The following PTPRM variants were observed in gnomAD, a reference collection of about 807,000 sequenced individuals.
PTPRM encodes protein tyrosine phosphatase receptor type M, also known as receptor-type tyrosine-protein phosphatase mu.
PTPRM carries 47 observed loss-of-function variants against 186.7 expected under a neutral mutation model. The ratio of observed to expected loss-of-function variants is 0.25; its 90% CI spans 0.20 to 0.32. The LOEUF is 0.32. PTPRM is among the 10% of genes least tolerant of loss of function. The probability of loss-of-function intolerance (pLI) is 1.00; values close to 1 mark genes in which losing one functional copy is unlikely to be tolerated. For synonymous variants in PTPRM, 668 were observed against 674.9 expected, an observed-to-expected ratio of 0.99 and a Z score of 0.16; for missense variants, 1,494 against 1,865.0, an observed-to-expected ratio of 0.80 and a Z score of 3.66.
chr18:7,833,582 A>G (rs1301392811), intron 2 of PTPRM, among the ~76,000 whole-genome samples: 8 of 152,062 alleles, frequency 5.3e-5, no homozygotes, highest in Non-Finnish European at 1.2e-4. Flanking sequence ...AAAAATACAA[A>G]AATTAGCCGG....
intron 1 of PTPRM, among the ~76,000 whole-genome samples, chr18:7,667,761 C>T (rs1015106631): frequency 1.8e-4 from 27 of 151,446 alleles, no homozygotes; most frequent in South Asian, 4.1e-4. Context: ...TTTTTTTTTC[C>T]GCCATGGTTT....
intron 13 of PTPRM, among the ~76,000 whole-genome samples, chr18:8,132,803 T>C (rs889412616): frequency 3.3e-5 from 5 of 152,176 alleles, no homozygotes; most frequent in Non-Finnish European, 4.4e-5. Flanking sequence ...GCTGAAGATA[T>C]AACGTTTTGC....
intron 2 of PTPRM, among the ~76,000 whole-genome samples, chr18:7,789,355 A>T (rs910453828): frequency 1.3e-5 from 2 of 152,070 alleles, no homozygotes; most frequent in Admixed American, 6.6e-5. Context: ...TATTATTAAT[A>T]TTGTCTTGGA....
At chr18:8,008,691 G>T (rs886893831) in intron 7 of PTPRM, among the ~76,000 whole-genome samples, 1 of 152,074 alleles carries the variant, frequency 6.6e-6, no homozygotes, top group Non-Finnish European at 1.5e-5. Context: ...CTTTTTGGAG[G>T]CTTGCTTAAA....
intron 7 of PTPRM, among the ~76,000 whole-genome samples, chr18:8,038,959 A>G (rs1048764939): frequency 4.6e-5 from 7 of 151,974 alleles, no homozygotes; most frequent in African/African-American, 1.7e-4. Context: ...AATATTAGTA[A>G]ATAACTGGAA....
intron 2 of PTPRM, among the ~76,000 whole-genome samples, chr18:7,865,446 G>T (rs74527041): frequency 0.052 from 7,897 of 152,248 alleles, 194 homozygotes; most frequent in Middle Eastern, 0.12. Context: ...AAATAATCAT[G>T]TGCTTTTTGT....
chr18:7,891,751 C>T (rs1356672168), intron 3 of PTPRM, among the ~76,000 whole-genome samples: 4 of 151,812 alleles, frequency 2.6e-5, no homozygotes, highest in East Asian at 1.9e-4. Flanking sequence ...GGTGCGTGCC[C>T]GTAGTCCCAG....
At chr18:8,134,369 C>T (rs2092587844) in intron 13 of PTPRM, among the ~76,000 whole-genome samples, 1 of 152,098 alleles carries the variant, frequency 6.6e-6, no homozygotes, top group South Asian at 2.1e-4. Context: ...CACTAGACAG[C>T]AAAGGTGGTA....
intron 14 of PTPRM, among the ~76,000 whole-genome samples, chr18:8,199,752 G>A (rs1316008560): frequency 1.3e-5 from 2 of 152,202 alleles, no homozygotes; most frequent in Non-Finnish European, 2.9e-5. Flanking sequence ...AGAGGGAGCA[G>A]TGATTGATTC....
chr18:8,162,340 A>T (rs1222158574), intron 14 of PTPRM, among the ~76,000 whole-genome samples: 1 of 152,194 alleles, frequency 6.6e-6, no homozygotes, highest in East Asian at 1.9e-4. Context: ...ACCTCAGGTG[A>T]TCCGCCCACC....
intron 19 of PTPRM, among the ~76,000 whole-genome samples, chr18:8,294,289 A>G (rs2095071760): frequency 1.3e-5 from 2 of 152,156 alleles, no homozygotes; most frequent in African/African-American, 4.8e-5. Flanking sequence ...AAAACCAGGT[A>G]GTTTATAAAG....
At chr18:8,220,190 A>C (rs2094138748) in intron 14 of PTPRM, among the ~76,000 whole-genome samples, 1 of 152,214 alleles carries the variant, frequency 6.6e-6, no homozygotes, top group African/African-American at 2.4e-5. Context: ...GGAAGGAGAT[A>C]AAAGATTAGA....
chr18:8,312,763 C>G (rs2095278898), intron 20 of PTPRM, among the ~76,000 whole-genome samples: 1 of 152,132 alleles, frequency 6.6e-6, no homozygotes, highest in Admixed American at 6.5e-5. Context: ...CTCCTGTGAG[C>G]AGAGCAGGAA....
intron 14 of PTPRM, among the ~76,000 whole-genome samples, chr18:8,240,647 G>GAA (rs1568583827): frequency 2.7e-5 from 1 of 37,242 alleles, no homozygotes; most frequent in African/African-American, 1.3e-4. Context: ...GAGAGAGAGA[G>GAA]AGAGAGAAAG....
At position 8,378,162 on chromosome 18, in the gene PTPRM, G is replaced by A. The variant is rs373447477; in HGVS notation, c.3463-103G>A. On this transcript the variant is annotated intron_variant, in intron 26 of 32. Transcript: ENST00000580170. ...CCTTGGACCGTGTTTCTCTCTGGAGGAACTGTCTCCACTCTCTTGATGATG... is the reference window on the plus strand; with the variant it reads ...CCTTGGACCGTGTTTCTCTCTGGAGAAACTGTCTCCACTCTCTTGATGATG... The A allele has an allele frequency of 2.4e-4, 295 of 1,208,008 alleles. 1 individual carries two copies. The African/African-American group carries it at 3.6e-3, about 15-fold the overall frequency. 74.8% of individuals were successfully genotyped at this position (1,208,008 alleles called of 1,614,324 possible).
chr18:8,101,816 T>G (rs1942956), intron 11 of PTPRM, among the ~76,000 whole-genome samples: 13,688 of 152,190 alleles, frequency 0.09, 802 homozygotes, highest in Middle Eastern at 0.21. Context: ...GTCCCCCACT[T>G]TGCTTGATCA....
At chr18:7,891,549 G>C (rs2049081761) in intron 3 of PTPRM, among the ~76,000 whole-genome samples, 1 of 152,064 alleles carries the variant, frequency 6.6e-6, no homozygotes, top group South Asian at 2.1e-4. Flanking sequence ...ACAAAACTTA[G>C]GAAATGCGTT....
intron 7 of PTPRM, among the ~76,000 whole-genome samples, chr18:7,966,537 T>A (rs1173766085): frequency 6.6e-6 from 1 of 150,782 alleles, no homozygotes; most frequent in East Asian, 2.0e-4. Flanking sequence ...CATTTCCATC[T>A]GAGGTACCGG....
intron 14 of PTPRM, among the ~76,000 whole-genome samples, chr18:8,208,493 G>A (rs111460004): frequency 0.012 from 1,829 of 151,428 alleles, 35 homozygotes; most frequent in African/African-American, 0.042. Context: ...AGTGAGACTT[G>A]TAAGTAGAGT....
Sources: gnomAD v4.1 joint callset for allele counts (sites outside exome capture counted in the v4.1 genomes callset) on GRCh38, gnomAD v4.1.1 for gene constraint, MANE v1.5 for transcripts, NCBI Gene and HGNC (gene_info 2026-07-23, HGNC 2026-07-21) for gene names.